FNDC1: variants seen among roughly 807,000 people sequenced by gnomAD.
The protein encoded by FNDC1 is fibronectin type III domain containing 1.
Under a neutral mutation model 168.0 loss-of-function variants are expected in FNDC1, and 96 were observed. The observed-to-expected ratio is 0.57, with a 90% CI of 0.48 to 0.68. FNDC1 has a LOEUF of 0.68. Among genes scored for constraint, FNDC1 ranks in the 30% least tolerant of loss-of-function variants. FNDC1 has a pLI of 0.00. For synonymous variants in FNDC1, 1,099 were observed against 1,025.9 expected, an observed-to-expected ratio of 1.07 and a Z score of -1.36; for missense variants, 2,587 against 2,482.1, an observed-to-expected ratio of 1.04 and a Z score of -0.90.
At chr6:159,269,499 T>TCCATGC (rs1562316090) in intron 22 of FNDC1, among the ~76,000 whole-genome samples, 1,407 of 86,954 alleles carry the variant, frequency 0.016, 30 homozygotes, top group African/African-American at 0.023. Context: ...TCTATCTATC[T>TCCATGC]ATCCATCCAT....
chr6:159,221,477 A>C, intron 5 of FNDC1, 121 bp from the exon 6 acceptor site: 1 of 756,986 alleles, frequency 1.3e-6, no homozygotes, highest in Non-Finnish European at 2.3e-6. Flanking sequence ...ATACCCCCAG[A>C]AAGAGGAAAC....
chr6:159,256,620 G>C lies in FNDC1; in HGVS notation c.5163G>C (p.Lys1721Asn). 1 of 1,610,840 alleles carries C rather than the reference G, an allele frequency of 6.2e-7. No homozygotes were observed. Among genetic ancestry groups the C allele is most frequent in the Non-Finnish European group, 8.5e-7 (1 of 1,177,022 alleles). The change falls in exon 18 of 23, where the codon AAG (lysine) becomes AAC (asparagine). Residue 1721 changes from lysine to asparagine, a missense_variant. Coordinates refer to ENST00000297267, the MANE Select transcript of FNDC1 (RefSeq NM_032532.3). The stretch of plus-strand genomic sequence containing the variant: ...CTCACTTGCCCATTGAGAACCTAAA[G>C]CCCAACACGAGGTACGATGTGTCAG... ...SVTHLPIENL[K>N]PNTRYYFKVQ...
intron 7 of FNDC1, among the ~76,000 whole-genome samples, chr6:159,224,926 T>C (rs1782920051): frequency 6.6e-6 from 1 of 152,202 alleles, no homozygotes; most frequent in Non-Finnish European, 1.5e-5. Flanking sequence ...TTGGTCATAC[T>C]GTATTTCTCC....
chr6:159,221,735 G>A (rs1225229171), intron 6 of FNDC1, 39 bp downstream of exon 6: 2 of 1,409,172 alleles, frequency 1.4e-6, no homozygotes, highest in Middle Eastern at 1.8e-4. Context: ...ACCATAGTCT[G>A]GTATGAATGC....
chr6:159,178,790 G>A (rs1781820767), intron 1 of FNDC1, among the ~76,000 whole-genome samples: 1 of 150,930 alleles, frequency 6.6e-6, no homozygotes, highest in African/African-American at 2.4e-5. Flanking sequence ...ATGCAATTTG[G>A]CATCTCAGGG....
At chr6:159,185,280 T>C (rs766652620) in intron 1 of FNDC1, among the ~76,000 whole-genome samples, 6 of 152,086 alleles carry the variant, frequency 3.9e-5, no homozygotes, top group African/African-American at 1.2e-4. Flanking sequence ...AGCATTGAAA[T>C]TGTCAAAATT....
Position 159,225,543 on chromosome 6 carries a change from C to A in FNDC1, c.893C>A (p.Thr298Asn). The A allele has an allele frequency of 6.2e-7, 1 of 1,611,954 alleles. No individual in the cohort carries two copies. Among genetic ancestry groups the A allele is most frequent in the Non-Finnish European group, 8.5e-7 (1 of 1,178,542 alleles). Reference protein sequence around the residue: ...QKKVVASRQYTVRYREKGELA... With the variant: ...QKKVVASRQYNVRYREKGELA... ...GTTGTGTTTTCTTACAGACAGTACA[C>A]CGTGCGCTATCGAGAGAAGGGGGAA... The change falls in exon 8 of 23, where the codon ACC becomes AAC. Residue 298 changes from threonine (T) to asparagine (N), a missense_variant. By Grantham distance (65) the Thr-to-Asn change is moderately conservative (BLOSUM62 0). Transcript: ENST00000297267.
intron 20 of FNDC1, among the ~76,000 whole-genome samples, chr6:159,265,658 G>A (rs1234709431): frequency 2.6e-5 from 4 of 152,176 alleles, no homozygotes; most frequent in Non-Finnish European, 4.4e-5. Flanking sequence ...GGCCGGGCGC[G>A]GTGGCTCATT....
At chr6:159,227,262 A>G (rs1037643903) in intron 9 of FNDC1, among the ~76,000 whole-genome samples, 4 of 152,258 alleles carry the variant, frequency 2.6e-5, no homozygotes, top group Non-Finnish European at 4.4e-5. Context: ...TTAAAGAGCC[A>G]TGCTGAAGTT....
chr6:159,232,186 C>A lies in FNDC1; in HGVS notation c.1674C>A (p.Asp558Glu). 6.2e-7 allele frequency: 1 copy of A among 1,613,794 alleles called. No individual in the cohort carries two copies. Among genetic ancestry groups the A allele is most frequent in the Non-Finnish European group, 8.5e-7 (1 of 1,179,842 alleles). Reference protein sequence around the residue: ...SREDSPMSPSDTQDQKRTLRP... With the variant: ...SREDSPMSPSETQDQKRTLRP... ...AGGACTCGCCCATGTCACCCTCAGA[C>A]ACCCAAGACCAGAAACGGACCCTGA... The change falls in exon 11 of 23, where the codon GAC (aspartate) becomes GAA (glutamate). Residue 558 changes from aspartate to glutamate, a missense_variant. Asp to Glu is a conservative substitution (Grantham distance 45). Coordinates refer to ENST00000297267, the MANE Select transcript of FNDC1 (RefSeq NM_032532.3). The surrounding 1 kb of genome is among the most constrained non-coding windows in gnomAD (Gnocchi z 4.9).
chr6:159,176,340 A>G (rs552964733), intron 1 of FNDC1, among the ~76,000 whole-genome samples: 20 of 152,344 alleles, frequency 1.3e-4, no homozygotes, highest in African/African-American at 4.3e-4. Flanking sequence ...TCAGATGAAC[A>G]TAGTGCCTGC....
chr6:159,269,449 TATTCAC>T, intron 22 of FNDC1, among the ~76,000 whole-genome samples: 1 of 144,570 alleles, frequency 6.9e-6, no homozygotes, highest in African/African-American at 2.5e-5. Flanking sequence ...ATTATCTACC[TATTCAC>T]ATCTATCTAT....
At chr6:159,199,303 G>A (rs2114947846) in intron 2 of FNDC1, among the ~76,000 whole-genome samples, 1 of 152,230 alleles carries the variant, frequency 6.6e-6, no homozygotes, top group Admixed American at 6.5e-5. Context: ...AACTTTAGGA[G>A]CTCAGCCCAA....
At chr6:159,229,762 A>T in intron 9 of FNDC1, 53 bp from the exon 10 acceptor site, 1 of 1,520,296 alleles carries the variant, frequency 6.6e-7, no homozygotes, top group Non-Finnish European at 9.0e-7. Context: ...TGTCTGCTGG[A>T]CACAGGACTG....
chr6:159,255,468 C>A (rs1461816569), intron 17 of FNDC1, among the ~76,000 whole-genome samples: 1 of 152,222 alleles, frequency 6.6e-6, no homozygotes, highest in Non-Finnish European at 1.5e-5. Flanking sequence ...TCCTGCAGAG[C>A]ACTCAACTCA....
At chr6:159,174,140 A>G (rs761678309) in intron 1 of FNDC1, among the ~76,000 whole-genome samples, 44 of 152,360 alleles carry the variant, frequency 2.9e-4, no homozygotes, top group Non-Finnish European at 5.4e-4. Context: ...ATGTATGTGT[A>G]TGTATTTACT....
At chr6:159,267,982 T>C (rs1777624747) in intron 22 of FNDC1, 56 bp downstream of exon 22, 5 of 1,561,634 alleles carry the variant, frequency 3.2e-6, no homozygotes, top group East Asian at 4.7e-5. Context: ...CAAGGATTAA[T>C]AGAGGGGGAA....
chr6:159,234,424 T>G lies in FNDC1; in HGVS notation c.3912T>G (p.His1304Gln). The change falls in exon 11 of 23, where the codon CAT becomes CAG. Residue 1304 changes from histidine (H) to glutamine (Q), a missense_variant. By Grantham distance (24) the His-to-Gln change is conservative. Transcript: ENST00000297267. ...PMLSLRQRMM[H>Q]ARFRNPLSRQ... Reference sequence around the variant, plus strand: ...TGTCCTTGCGCCAGAGGATGATGCATGCCAGATTCCGTAACCCTCTCTCCC... The same window carrying G: ...TGTCCTTGCGCCAGAGGATGATGCAGGCCAGATTCCGTAACCCTCTCTCCC... 6.2e-7 allele frequency: 1 copy of G among 1,613,660 alleles called. No individual in the cohort carries two copies. Among genetic ancestry groups the G allele is most frequent in the East Asian group, 2.2e-5 (1 of 44,880 alleles).
chr6:159,198,618 C>A (rs1021630882), intron 2 of FNDC1, among the ~76,000 whole-genome samples: 1 of 152,164 alleles, frequency 6.6e-6, no homozygotes, highest in Non-Finnish European at 1.5e-5. Context: ...AGATCAAAGG[C>A]GTGAGCAGAT....
Sources: allele counts gnomAD v4.1 joint callset (sites outside exome capture counted in the v4.1 genomes callset), GRCh38; gene constraint gnomAD v4.1.1; non-coding constraint Gnocchi (gnomAD v3.1); transcripts MANE v1.5; gene names NCBI Gene and HGNC (gene_info 2026-07-23, HGNC 2026-07-21).